Variants in LRRC4C observed in about 807,000 individuals in gnomAD.
LRRC4C encodes the protein leucine-rich repeat-containing protein 4C.
A neutral mutation model predicts 33.6 loss-of-function variants in LRRC4C; 5 were observed. The ratio of observed to expected loss-of-function variants is 0.15; its 90% CI spans 0.08 to 0.31. LRRC4C has a LOEUF of 0.31. Among genes scored for constraint, LRRC4C ranks in the 10% least tolerant of loss-of-function variants. The pLI, the probability that LRRC4C is intolerant of heterozygous loss-of-function variation, is 1.00. For synonymous variants in LRRC4C, 329 were observed against 302.0 expected (o/e 1.09, Z -0.93); for missense variants, 560 against 796.7 (o/e 0.70, Z 3.58).
intron 3 of LRRC4C, among the ~76,000 whole-genome samples, chr11:40,636,146 C>G (rs1234724519): frequency 6.6e-6 from 1 of 152,090 alleles, no homozygotes; most frequent in African/African-American, 2.4e-5. Context: ...GTGCAAGGAG[C>G]CACCTTGGAC....
At chr11:40,742,437 A>G (rs1948201337) in intron 2 of LRRC4C, among the ~76,000 whole-genome samples, 1 of 152,048 alleles carries the variant, frequency 6.6e-6, no homozygotes, top group South Asian at 2.1e-4. Context: ...GTCAAAAGCT[A>G]CCAATGGCTC....
At chr11:40,902,794 A>C (rs1030294875) in intron 2 of LRRC4C, among the ~76,000 whole-genome samples, 1 of 152,158 alleles carries the variant, frequency 6.6e-6, no homozygotes, top group African/African-American at 2.4e-5. Context: ...CTTTAATTCT[A>C]TGAAGGCTGA....
chr11:41,232,059 C>G lies in LRRC4C; in HGVS notation c.-496+227372G>C, dbSNP rs150384639. Among the ~76,000 whole-genome samples, 111 of 151,956 alleles carry G rather than the reference C, an allele frequency of 7.3e-4. No homozygotes were observed. The East Asian group carries it at 0.02, about 28-fold the overall frequency. On this transcript the variant is annotated intron_variant, in intron 1 of 6. Coordinates refer to ENST00000528697, the MANE Select transcript of LRRC4C (RefSeq NM_001258419.2). ...TGTTTTTAGTGTCATGTTTTCATGA[C>G]TTTTTTCAAGCTATTGCCTCTCCCT...
intron 1 of LRRC4C, among the ~76,000 whole-genome samples, chr11:41,291,045 G>T (rs891414292): frequency 6.6e-6 from 1 of 152,032 alleles, no homozygotes; most frequent in Non-Finnish European, 1.5e-5. Flanking sequence ...TCTAAAATTA[G>T]AATTAAAATT....
At chr11:41,301,788 C>A (rs1228314401) in intron 1 of LRRC4C, among the ~76,000 whole-genome samples, 1 of 152,064 alleles carries the variant, frequency 6.6e-6, no homozygotes, top group Non-Finnish European at 1.5e-5. Flanking sequence ...GCTAGTTCTC[C>A]TCTGTCTTTG....
chr11:40,528,484 A>G (rs12576651), intron 3 of LRRC4C, among the ~76,000 whole-genome samples: 14,162 of 152,164 alleles, frequency 0.093, 790 homozygotes, highest in Middle Eastern at 0.15. Flanking sequence ...TTTATAAAAA[A>G]AAAAAGAAGT....
intron 2 of LRRC4C, among the ~76,000 whole-genome samples, chr11:40,747,859 T>G (rs949047982): frequency 3.3e-5 from 5 of 152,066 alleles, no homozygotes; most frequent in Non-Finnish European, 5.9e-5. Flanking sequence ...AATAACTCAC[T>G]TGGACAAAAA....
chr11:40,519,202 G>A (rs567887640), intron 3 of LRRC4C, among the ~76,000 whole-genome samples: 10 of 151,874 alleles, frequency 6.6e-5, no homozygotes, highest in Non-Finnish European at 1.0e-4. Context: ...AACAAAACTC[G>A]ACGTTCTGCA....
intron 1 of LRRC4C, among the ~76,000 whole-genome samples, chr11:41,185,035 G>T (rs952561761): frequency 2.0e-4 from 30 of 152,038 alleles, no homozygotes; most frequent in African/African-American, 7.0e-4. Flanking sequence ...GCATGGGAAA[G>T]ACCCACTCCC....
chr11:40,486,493 T>C (rs1252904671), intron 3 of LRRC4C, among the ~76,000 whole-genome samples: 1 of 152,044 alleles, frequency 6.6e-6, no homozygotes, highest in Non-Finnish European at 1.5e-5. Context: ...TTAACTATGA[T>C]TGGTTCTCTG....
At position 40,852,641 on chromosome 11, in the gene LRRC4C, C is replaced by T. The variant is rs144680417; in HGVS notation, c.-407+80994G>A. On this transcript the variant is annotated intron_variant, in intron 2 of 6. Coordinates refer to ENST00000528697, the MANE Select transcript of LRRC4C (RefSeq NM_001258419.2). Reference sequence around the variant, plus strand: ...CAGAAGATTAGGAGAATCCAATTTACTTAAAGGGAATGAAAATAATTTATC... The same window carrying T: ...CAGAAGATTAGGAGAATCCAATTTATTTAAAGGGAATGAAAATAATTTATC... Among the ~76,000 whole-genome samples, 552 of 152,132 alleles carry T rather than the reference C, an allele frequency of 3.6e-3. 2 individuals carry two copies. Among genetic ancestry groups the T allele is most frequent in the Non-Finnish European group, 5.4e-3 (366 of 67,994 alleles).
At chr11:40,782,333 T>A (rs1950241609) in intron 2 of LRRC4C, among the ~76,000 whole-genome samples, 1 of 152,224 alleles carries the variant, frequency 6.6e-6, no homozygotes, top group Non-Finnish European at 1.5e-5. Flanking sequence ...ACATTTATTC[T>A]GAGCTGCTTC....
At chr11:41,021,177 G>C (rs1855941496) in intron 1 of LRRC4C, among the ~76,000 whole-genome samples, 1 of 116,384 alleles carries the variant, frequency 8.6e-6, no homozygotes, top group South Asian at 3.7e-4. Context: ...GAGAGAGAGA[G>C]AGAGAGAGAG....
At chr11:41,111,991 C>T (rs936610444) in intron 1 of LRRC4C, among the ~76,000 whole-genome samples, 11 of 151,902 alleles carry the variant, frequency 7.2e-5, no homozygotes, top group East Asian at 1.9e-4. Flanking sequence ...TAAGAGATGA[C>T]GAGTGAGAGA....
chr11:40,404,724 C>T (rs554350016), intron 3 of LRRC4C, among the ~76,000 whole-genome samples: 20 of 152,006 alleles, frequency 1.3e-4, no homozygotes, highest in African/African-American at 4.6e-4. Context: ...AATAATATTC[C>T]CATGTTAAAA....
At chr11:40,420,841 C>T (rs753785643) in intron 3 of LRRC4C, among the ~76,000 whole-genome samples, 28 of 152,102 alleles carry the variant, frequency 1.8e-4, no homozygotes, top group Non-Finnish European at 2.8e-4. Flanking sequence ...CATCCTTGGC[C>T]AACAGTGTCC....
At chr11:40,482,337 T>G (rs375177062) in intron 3 of LRRC4C, among the ~76,000 whole-genome samples, 1 of 152,164 alleles carries the variant, frequency 6.6e-6, no homozygotes, top group East Asian at 1.9e-4. Context: ...GGAGGCAAGT[T>G]TAATCCTTTA....
At chr11:40,582,042 T>C (rs868453198) in intron 3 of LRRC4C, among the ~76,000 whole-genome samples, 2 of 152,274 alleles carry the variant, frequency 1.3e-5, no homozygotes, top group Middle Eastern at 3.4e-3. Flanking sequence ...AAAGTTATAG[T>C]CCATCTATTC....
chr11:40,560,711 T>A (rs1453570919), intron 3 of LRRC4C, among the ~76,000 whole-genome samples: 1 of 152,212 alleles, frequency 6.6e-6, no homozygotes, highest in Non-Finnish European at 1.5e-5. Context: ...TGTGATATCA[T>A]TCATTCTGAA....
Sources: gnomAD v4.1 joint callset for allele counts (sites outside exome capture counted in the v4.1 genomes callset) on GRCh38, gnomAD v4.1.1 for gene constraint, MANE v1.5 for transcripts, NCBI Gene and HGNC (gene_info 2026-07-23, HGNC 2026-07-21) for gene names.